The following EPHA3 variants were observed in gnomAD, a reference collection of about 807,000 sequenced individuals.
The protein encoded by EPHA3 is ephrin type-A receptor 3.
Under a neutral mutation model 107.1 loss-of-function variants are expected in EPHA3, and 42 were observed. That is an observed-to-expected ratio of 0.39 (90% CI 0.31 to 0.51). EPHA3 has a LOEUF of 0.51. Among genes scored for constraint, EPHA3 ranks in the 20% least tolerant of loss-of-function variants. The probability of loss-of-function intolerance (pLI) is 0.78; values close to 1 mark genes in which losing one functional copy is unlikely to be tolerated. For missense variants in EPHA3, 1,183 were observed against 1,211.2 expected (o/e 0.98, Z 0.35); for synonymous variants, 461 against 424.8 (o/e 1.09, Z -1.05).
At chr3:89,147,653 G>T (rs1704593939) in intron 2 of EPHA3, among the ~76,000 whole-genome samples, 1 of 151,824 alleles carries the variant, frequency 6.6e-6, no homozygotes, top group Non-Finnish European at 1.5e-5. Flanking sequence ...TGGGGGTTTT[G>T]TAATGTACCC....
At chr3:89,429,695 C>CATCT (rs55794052) in intron 12 of EPHA3, among the ~76,000 whole-genome samples, 19,749 of 149,144 alleles carry the variant, frequency 0.13, 1,372 homozygotes, top group African/African-American at 0.17. Flanking sequence ...GTTTATCTAT[C>CATCT]ATCTATCTAT....
intron 5 of EPHA3, among the ~76,000 whole-genome samples, chr3:89,368,016 G>T (rs1409191485): frequency 6.6e-6 from 1 of 150,390 alleles, no homozygotes; most frequent in Non-Finnish European, 1.5e-5. Flanking sequence ...GCTCACATTT[G>T]TCTCCTTCAT....
At chr3:89,351,348 G>A (rs1360428014) in intron 5 of EPHA3, among the ~76,000 whole-genome samples, 1 of 151,310 alleles carries the variant, frequency 6.6e-6, no homozygotes, top group Admixed American at 6.6e-5. Context: ...GGTCTGAAAA[G>A]CGCAATATTC....
chr3:89,292,629 T>C (rs544066295), intron 3 of EPHA3, among the ~76,000 whole-genome samples: 45 of 152,326 alleles, frequency 3.0e-4, no homozygotes, highest in African/African-American at 1.0e-3. Context: ...TTCTTAACTC[T>C]ATTTGATCTA....
chr3:89,293,844 G>A (rs949033775), intron 3 of EPHA3, among the ~76,000 whole-genome samples: 18 of 152,228 alleles, frequency 1.2e-4, no homozygotes, highest in African/African-American at 3.8e-4. Context: ...TTATAGCAGT[G>A]TGAAAACAGA....
chr3:89,227,007 C>T (rs1704517031), intron 3 of EPHA3, among the ~76,000 whole-genome samples: 2 of 152,072 alleles, frequency 1.3e-5, no homozygotes, highest in East Asian at 1.9e-4. Context: ...ACAGAGAGCA[C>T]ATACACCTTA....
intron 3 of EPHA3, among the ~76,000 whole-genome samples, chr3:89,229,986 G>A (rs555650804): frequency 1.1e-4 from 16 of 152,104 alleles, no homozygotes; most frequent in Admixed American, 8.5e-4. Context: ...GTTTACACTC[G>A]AGGAAACATT....
intron 3 of EPHA3, among the ~76,000 whole-genome samples, chr3:89,211,228 ATTAATATTTAT>A (rs1704072410): frequency 6.6e-6 from 1 of 152,098 alleles, no homozygotes; most frequent in African/African-American, 2.4e-5. Flanking sequence ...CTTTAATCAA[ATTAATATTTAT>A]TAAAATCGCT....
intron 3 of EPHA3, among the ~76,000 whole-genome samples, chr3:89,274,769 G>A (rs942923117): frequency 6.6e-6 from 1 of 151,946 alleles, no homozygotes; most frequent in African/African-American, 2.4e-5. Context: ...CGTAACCAAG[G>A]AGGGAAGAAA....
At chr3:89,393,778 TAA>T (rs555335318) in intron 5 of EPHA3, among the ~76,000 whole-genome samples, 9 of 131,316 alleles carry the variant, frequency 6.9e-5, no homozygotes, top group African/African-American at 2.3e-4. Context: ...TAAGCAAAAA[TAA>T]ATTTTTTTTT....
rs540875526 is a variant in EPHA3, at chr3:89,423,548, AT to A, written c.2074+4162del. Reference sequence around the variant, plus strand: ...CAGAGATAGTTTGTTAGGATAACAAATTTTGGAAACTCTAATGACCCAAGTT... The same window carrying A: ...CAGAGATAGTTTGTTAGGATAACAAATTTGGAAACTCTAATGACCCAAGTT... On this transcript the variant is annotated intron_variant, in intron 11 of 16. Transcript: ENST00000336596. Among the ~76,000 whole-genome samples, 69 of 151,572 alleles carry A rather than the reference AT, an allele frequency of 4.6e-4. 1 individual carries two copies. The highest frequency in any genetic ancestry group is 4.1e-3 in the East Asian group (21 of 5,156).
rs1708284151 is a variant in EPHA3 at position 89,370,716 on chromosome 3, AT to A, written c.1307-25120del. Among the ~76,000 whole-genome samples, 6 of 151,898 alleles carry A rather than the reference AT, an allele frequency of 4.0e-5. No homozygotes were observed. In the South Asian group the frequency reaches 1.2e-3, roughly 31 times the overall value. On this transcript the variant is annotated intron_variant, in intron 5 of 16. Coordinates refer to ENST00000336596, the MANE Select transcript of EPHA3 (RefSeq NM_005233.6). ...TATATAGACAAAAAAATAAAATAAAATAAAAAAAGAAGGAATGCAAACAACA... is the reference window on the plus strand; with the variant it reads ...TATATAGACAAAAAAATAAAATAAAAAAAAAAAGAAGGAATGCAAACAACA...
At chr3:89,408,407 C>A (rs1709094733) in intron 9 of EPHA3, among the ~76,000 whole-genome samples, 1 of 152,114 alleles carries the variant, frequency 6.6e-6, no homozygotes, top group Non-Finnish European at 1.5e-5. Context: ...AGAAACTAGT[C>A]TGCTCTGCAT....
At chr3:89,438,859 T>C (rs1191542248) in intron 13 of EPHA3, among the ~76,000 whole-genome samples, 2 of 152,220 alleles carry the variant, frequency 1.3e-5, no homozygotes, top group Non-Finnish European at 2.9e-5. Context: ...TAATAATTAA[T>C]GTTGAATCGA....
intron 5 of EPHA3, among the ~76,000 whole-genome samples, chr3:89,375,916 C>G (rs1035342002): frequency 7.9e-5 from 12 of 151,900 alleles, no homozygotes; most frequent in African/African-American, 2.9e-4. Context: ...AAATCCAACT[C>G]TAGCAATGAG....
rs1704309980 is a variant in EPHA3 at position 89,219,691 on chromosome 3, T to TTTTTTTTG, written c.814+9178_814+9179insGTTTTTTT. On this transcript the variant is annotated intron_variant, in intron 3 of 16. Transcript: ENST00000336596. ...CCTCCAAGAGGCATTTGGCAATGTTTTTTTTTTTTTTGTTTTTTGTTTTTT... is the reference window on the plus strand; with the variant it reads ...CCTCCAAGAGGCATTTGGCAATGTTTTTTTTTTGTTTTTTTTTTTGTTTTTTGTTTTTT... Among the ~76,000 whole-genome samples, 10 of 5,508 alleles carry TTTTTTTTG rather than the reference T, an allele frequency of 1.8e-3. 1 individual carries two copies. In the South Asian group the frequency reaches 0.019, roughly 10 times the overall value. The allele number at this position is 5,508 out of a possible 152,430, so 3.6% of individuals were successfully genotyped here. A position where few individuals can be genotyped will look rare whatever the true frequency, so the allele number is the denominator to read the frequency against.
intron 3 of EPHA3, among the ~76,000 whole-genome samples, chr3:89,217,506 A>G (rs1704248146): frequency 6.6e-6 from 1 of 152,168 alleles, no homozygotes; most frequent in African/African-American, 2.4e-5. Context: ...TAGAAACACA[A>G]TCATAACGTG....
chr3:89,313,928 T>C (rs1706832494), intron 3 of EPHA3, among the ~76,000 whole-genome samples: 1 of 151,968 alleles, frequency 6.6e-6, no homozygotes, highest in Admixed American at 6.6e-5. Context: ...AACTATTCTT[T>C]TAAGAATTTA....
chr3:89,474,118 T>A lies in EPHA3; in HGVS notation c.2846+1499T>A, dbSNP rs534424536. On this transcript the variant is annotated intron_variant, in intron 16 of 16. Coordinates refer to ENST00000336596, the MANE Select transcript of EPHA3 (RefSeq NM_005233.6). ...ACAGATTAGATGCCAGAAAAGAACA[T>A]GCCATGTAATTAATAGATATAAGTG... is the stretch of plus-strand genomic sequence containing the variant. 3.1e-4 allele frequency among the ~76,000 whole-genome samples: 47 copies of A among 152,230 alleles called. 2 individuals are homozygous for A. In the South Asian group the frequency reaches 9.7e-3, roughly 32 times the overall value.
Sources: gnomAD v4.1 joint callset for allele counts (sites outside exome capture counted in the v4.1 genomes callset) on GRCh38, gnomAD v4.1.1 for gene constraint, MANE v1.5 for transcripts, NCBI Gene and HGNC (gene_info 2026-07-23, HGNC 2026-07-21) for gene names.